The following SSU72 variants were observed in gnomAD, a reference collection of about 807,000 sequenced individuals.
SSU72 encodes the protein SSU72 homolog, RNA polymerase II CTD phosphatase.
Under a neutral mutation model 22.7 loss-of-function variants are expected in SSU72, and 12 were observed. That is an observed-to-expected ratio of 0.53 (90% CI 0.34 to 0.86). The LOEUF is 0.86. SSU72 is among the 40% of genes least tolerant of loss of function. The pLI, the probability that SSU72 is intolerant of heterozygous loss-of-function variation, is 0.02. For synonymous variants in SSU72, 116 were observed against 98.3 expected, an observed-to-expected ratio of 1.18 and a Z score of -1.06; for missense variants, 151 against 249.8, an observed-to-expected ratio of 0.60 and a Z score of 2.67.
At chr1:1,547,671 G>A (rs543191273) in intron 2 of SSU72, among the ~76,000 whole-genome samples, 15 of 152,356 alleles carry the variant, frequency 9.8e-5, no homozygotes, top group African/African-American at 3.4e-4. Context: ...AGAGCAAGGC[G>A]AGAGGACAGG....
chr1:1,543,758 G>A (rs879129818), intron 4 of SSU72, 111 bp downstream of exon 4: 14 of 683,578 alleles, frequency 2.0e-5, no homozygotes, highest in Non-Finnish European at 2.5e-5. Flanking sequence ...CCTCTGTCAC[G>A]GCCTCGGCCA....
chr1:1,548,454 T>C (rs1299456211), intron 2 of SSU72, among the ~76,000 whole-genome samples: 1 of 150,862 alleles, frequency 6.6e-6, no homozygotes, highest in African/African-American at 2.4e-5. Flanking sequence ...CTCTGGAGGC[T>C]GAGGCAGGAG....
At chr1:1,544,562 G>C (rs1642368573) in intron 3 of SSU72, 1 of 405,068 alleles carries the variant, frequency 2.5e-6, no homozygotes, top group Non-Finnish European at 4.6e-6. Context: ...AGGTTGCAGT[G>C]AGCCTAGATT....
intron 2 of SSU72, among the ~76,000 whole-genome samples, chr1:1,560,563 GA>G (rs1642576536): frequency 1.3e-5 from 2 of 152,322 alleles, no homozygotes; most frequent in South Asian, 2.1e-4. Context: ...GCTTGTGGGG[GA>G]AAAGACCAAA....
At chr1:1,555,120 C>A (rs1482526419) in intron 2 of SSU72, among the ~76,000 whole-genome samples, 2 of 152,164 alleles carry the variant, frequency 1.3e-5, no homozygotes, top group Non-Finnish European at 2.9e-5. Context: ...ACGGGACACA[C>A]AGGAACACTG....
rs1642322161 is a variant in SSU72 at position 1,541,765 on chromosome 1, G to A, written c.*301C>T. On this transcript the variant is annotated 3_prime_UTR_variant, in exon 5 of 5. Transcript: ENST00000291386. ...GTCCGGCCCGGTGGGGAGGAGGGAG[G>A]GAAGGCAGGCACACGAAGACACAGG... The A allele has an allele frequency of 1.5e-5, 6 of 393,794 alleles. No homozygotes were observed. The highest frequency in any genetic ancestry group is 1.1e-4 in the South Asian group (5 of 45,522). 24.4% of individuals were successfully genotyped at this position (393,794 alleles called of 1,614,324 possible).
At chr1:1,565,482 G>T (rs1007340841) in intron 1 of SSU72, among the ~76,000 whole-genome samples, 1 of 152,246 alleles carries the variant, frequency 6.6e-6, no homozygotes, top group Non-Finnish European at 1.5e-5. Flanking sequence ...ACTTGGGGAA[G>T]ATTTCATCAG....
intron 1 of SSU72, among the ~76,000 whole-genome samples, chr1:1,571,822 C>T (rs1478889752): frequency 6.6e-6 from 1 of 151,592 alleles, no homozygotes; most frequent in African/African-American, 2.4e-5. Flanking sequence ...GAGTCTCGCT[C>T]TGTCACCCAG....
Position 1,542,256 on chromosome 1 carries a change from T to C in SSU72, c.484-89A>G. On this transcript the variant is annotated intron_variant, in intron 4 of 4. Coordinates refer to ENST00000291386, the MANE Select transcript of SSU72 (RefSeq NM_014188.3). The surrounding 1 kb of genome is among the most constrained non-coding windows in gnomAD (Gnocchi z 4.4). ...TGGATCGCCAGGGAAACGCCAGGCC[T>C]GAGCCAGCAGAAACCAGCGCAGCAG... The C allele has an allele frequency of 1.5e-6, 2 of 1,295,742 alleles. No individual in the cohort carries two copies. Among genetic ancestry groups the C allele is most frequent in the Non-Finnish European group, 2.2e-6 (2 of 922,512 alleles). 80.3% of individuals were successfully genotyped at this position (1,295,742 alleles called of 1,614,324 possible).
chr1:1,553,628 A>C (rs1374321365), intron 2 of SSU72, among the ~76,000 whole-genome samples: 2 of 148,952 alleles, frequency 1.3e-5, no homozygotes, highest in Admixed American at 6.7e-5. Context: ...ACAAAAAAAA[A>C]AAAAAAAAAA....
intron 1 of SSU72, among the ~76,000 whole-genome samples, chr1:1,572,987 T>C (rs1020106749): frequency 2.0e-5 from 3 of 151,822 alleles, no homozygotes; most frequent in Admixed American, 6.6e-5. Flanking sequence ...AGCACATTTC[T>C]AGTTTTAAAA....
intron 2 of SSU72, chr1:1,546,130 G>A (rs533611208): frequency 1.3e-5 from 2 of 152,364 alleles, no homozygotes; most frequent in East Asian, 3.9e-4. Flanking sequence ...TCCCAAAGAT[G>A]AGCTCTGTGG....
chr1:1,566,348 T>A lies in SSU72; in HGVS notation c.81-1432A>T, dbSNP rs547669585. Among the ~76,000 whole-genome samples the A allele has an allele frequency of 1.8e-4, 28 of 152,312 alleles. No homozygotes were observed. In the South Asian group the frequency reaches 5.6e-3, roughly 30 times the overall value. ...CTGATACTTATAATTACCTAAAAAA[T>A]ATAGACTTCTCAACCTAGCTTTATT... On this transcript the variant is annotated intron_variant, in intron 1 of 4. Coordinates refer to ENST00000291386, the MANE Select transcript of SSU72 (RefSeq NM_014188.3).
rs1028281347 is a variant in SSU72 at position 1,542,508 on chromosome 1, C to T, written c.484-341G>A. On this transcript the variant is annotated intron_variant, in intron 4 of 4. Coordinates refer to ENST00000291386, the MANE Select transcript of SSU72 (RefSeq NM_014188.3). The surrounding 1 kb of genome is among the most constrained non-coding windows in gnomAD (Gnocchi z 4.4). ...GGGGCCGACCAACCCTCACCGCCAG[C>T]GCTTCCACACCACCAACAAGCGAGC... Among the ~76,000 whole-genome samples, 6 of 152,260 alleles carry T rather than the reference C, an allele frequency of 3.9e-5. No individual in the cohort carries two copies. The highest frequency in any genetic ancestry group is 2.1e-4 in the South Asian group (1 of 4,826).
At chr1:1,553,139 G>A (rs947529520) in intron 2 of SSU72, among the ~76,000 whole-genome samples, 7 of 152,028 alleles carry the variant, frequency 4.6e-5, no homozygotes, top group African/African-American at 1.7e-4. Flanking sequence ...AGGAAAGCCG[G>A]TCTCTGCACT....
intron 2 of SSU72, among the ~76,000 whole-genome samples, chr1:1,551,397 G>A (rs1642453836): frequency 6.6e-6 from 1 of 152,260 alleles, no homozygotes; most frequent in Non-Finnish European, 1.5e-5. Context: ...CCCCTGAGCA[G>A]GCACGCTGGG....
intron 1 of SSU72, among the ~76,000 whole-genome samples, chr1:1,566,616 G>A (rs141654613): frequency 0.016 from 2,428 of 152,306 alleles, 76 homozygotes; most frequent in African/African-American, 0.055. Context: ...AATTTGGGAG[G>A]CCGAGGTGGG....
chr1:1,569,550 G>A (rs1442186833), intron 1 of SSU72, among the ~76,000 whole-genome samples: 1 of 152,168 alleles, frequency 6.6e-6, no homozygotes, highest in African/African-American at 2.4e-5. Flanking sequence ...GAGTTCAGTG[G>A]CGCAGTCACA....
intron 1 of SSU72, among the ~76,000 whole-genome samples, chr1:1,569,061 C>G (rs1462935052): frequency 6.6e-6 from 1 of 151,910 alleles, no homozygotes; most frequent in Non-Finnish European, 1.5e-5. Flanking sequence ...GTAGTCCCAG[C>G]TACGCAGGAG....
Sources: allele counts gnomAD v4.1 joint callset (sites outside exome capture counted in the v4.1 genomes callset), GRCh38; gene constraint gnomAD v4.1.1; non-coding constraint Gnocchi (gnomAD v3.1); transcripts MANE v1.5; gene names NCBI Gene and HGNC (gene_info 2026-07-23, HGNC 2026-07-21).